Variants in AGPAT4 observed in about 807,000 individuals in gnomAD.
AGPAT4 encodes 1-acylglycerol-3-phosphate O-acyltransferase 4.
In AGPAT4, 15 loss-of-function variants were observed where a neutral mutation model predicts 48.0. That is an observed-to-expected ratio of 0.31 (90% confidence interval 0.21 to 0.48). The LOEUF (loss-of-function observed/expected upper bound fraction) is 0.48. AGPAT4 is among the 20% of genes least tolerant of loss of function. The pLI is 0.99. For synonymous variants in AGPAT4, 178 were observed against 198.7 expected, an observed-to-expected ratio of 0.90 and a Z score of 0.88; for missense variants, 314 against 482.5, an observed-to-expected ratio of 0.65 and a Z score of 3.27.
chr6:161,181,779 G>A (rs1282826580), intron 2 of AGPAT4, among the ~76,000 whole-genome samples: 7 of 152,084 alleles, frequency 4.6e-5, no homozygotes. Context: ...ACCATCAGAT[G>A]GCGCTCAGGC....
At chr6:161,185,549 A>G (rs1296004199) in intron 2 of AGPAT4, among the ~76,000 whole-genome samples, 2 of 152,196 alleles carry the variant, frequency 1.3e-5, no homozygotes, top group Non-Finnish European at 2.9e-5. Context: ...TTACATTTTC[A>G]TCAATCAACT....
chr6:161,144,172 T>C lies in AGPAT4; in HGVS notation c.843+2352A>G, dbSNP rs115983545. On this transcript the variant is annotated intron_variant, in intron 7 of 8. Coordinates refer to ENST00000320285, the MANE Select transcript of AGPAT4 (RefSeq NM_020133.3). This position sits in a 1 kb window ranked among gnomAD's most constrained non-coding sequence, Gnocchi z 6.6. ...GGAGAAACCATGCACCACTTCCACT[T>C]GCTGCTCAGCGATCTTCTCGGAAGG... 7.2e-3 allele frequency: 3,862 copies of C among 533,276 alleles called. 115 individuals are homozygous for C. The highest frequency in any genetic ancestry group is 0.067 in the African/African-American group (3,477 of 52,020). The allele number at this position is 533,276 out of a possible 1,614,324, so 33.0% of individuals were successfully genotyped here. A position where few individuals can be genotyped will look rare whatever the true frequency, so the allele number is the denominator to read the frequency against.
At chr6:161,209,676 T>A (rs1344306184) in intron 2 of AGPAT4, among the ~76,000 whole-genome samples, 1 of 152,186 alleles carries the variant, frequency 6.6e-6, no homozygotes, top group African/African-American at 2.4e-5. Context: ...GATTTTCCCA[T>A]GGAGATATAA....
intron 2 of AGPAT4, among the ~76,000 whole-genome samples, chr6:161,183,113 C>T (rs559621815): frequency 6.6e-6 from 1 of 152,300 alleles, no homozygotes; most frequent in South Asian, 2.1e-4. Flanking sequence ...AGATTTTAAA[C>T]TCCCTTCCCA....
chr6:161,222,702 G>A lies in AGPAT4; in HGVS notation c.178+9334C>T, dbSNP rs1422925573. 1.3e-5 allele frequency among the ~76,000 whole-genome samples: 2 copies of A among 152,076 alleles called. No homozygotes were observed. The highest frequency in any genetic ancestry group is 2.9e-5 in the Non-Finnish European group (2 of 68,022). On this transcript the variant is annotated intron_variant, in intron 2 of 8. Coordinates refer to ENST00000320285, the MANE Select transcript of AGPAT4 (RefSeq NM_020133.3). The surrounding 1 kb of genome is among the most constrained non-coding windows in gnomAD (Gnocchi z 5.9). ...ACAATTATTGAAATTTCTGAGGGAT[G>A]GATACTTGGAGCCCATCTAGTGAGA... is the stretch of plus-strand genomic sequence containing the variant.
rs1779190388 is a variant in AGPAT4 at position 161,139,765 on chromosome 6, A to G, written c.844-145T>C. 1 of 652,526 alleles carries G rather than the reference A, an allele frequency of 1.5e-6. No homozygotes were observed. 40.4% of individuals were successfully genotyped at this position (652,526 alleles called of 1,614,324 possible). A position where few individuals can be genotyped will look rare whatever the true frequency, so the allele number is the denominator to read the frequency against. On this transcript the variant is annotated intron_variant, in intron 7 of 8. Transcript: ENST00000320285. The surrounding 1 kb of genome is among the most constrained non-coding windows in gnomAD (Gnocchi z 9.1). ...CTGGGGTCTGCAGCTCCTTCCAGAA[A>G]GCACTTTGTAGGCAGCTGCTGTCTT...
chr6:161,179,478 T>G (rs964670967), intron 2 of AGPAT4, among the ~76,000 whole-genome samples: 1 of 152,230 alleles, frequency 6.6e-6, no homozygotes, highest in Non-Finnish European at 1.5e-5. Flanking sequence ...ACTCAAAGGT[T>G]TGGTGTGAAG....
rs1182277895 is a variant in AGPAT4 at position 161,171,735 on chromosome 6, A to C, written c.179-5318T>G. On this transcript the variant is annotated intron_variant, in intron 2 of 8. Transcript: ENST00000320285. The surrounding 1 kb of genome is among the most constrained non-coding windows in gnomAD (Gnocchi z 4.4). ...AAACCCTGTCTCTACTAAAAATACA[A>C]AAAAAAAAAAAAAAATTAGCTGGGC... 9.3e-6 allele frequency among the ~76,000 whole-genome samples: 1 copy of C among 107,704 alleles called. No individual in the cohort carries two copies. The highest frequency in any genetic ancestry group is 2.0e-5 in the Non-Finnish European group (1 of 49,768). The allele number at this position is 107,704 out of a possible 152,430, so 70.7% of individuals were successfully genotyped here.
In AGPAT4 at chr6:161,134,541, C is replaced by T. The variant is rs926722145; in HGVS notation, c.*1999G>A. 4 of 152,064 alleles carry T rather than the reference C, an allele frequency of 2.6e-5. No homozygotes were observed. The highest frequency in any genetic ancestry group is 9.7e-5 in the African/African-American group (4 of 41,400). 9.4% of individuals were successfully genotyped at this position (152,064 alleles called of 1,614,324 possible). The stretch of plus-strand genomic sequence containing the variant: ...TGTGCTCTTTTACCCTTGACACACC[C>T]CAAGAGGTAGATATCGTCACCCCCA... On this transcript the variant is annotated 3_prime_UTR_variant, in exon 9 of 9. Transcript: ENST00000320285.
At position 161,139,709 on chromosome 6, in the gene AGPAT4, GAT is replaced by G; in HGVS notation, c.844-91_844-90del. ...GCCCTGCTTCCAAGGGAATCGCAGA[GAT>G]ACACAGGTGCCACCGGGGCTCGGCA... On this transcript the variant is annotated intron_variant, in intron 7 of 8. Coordinates refer to ENST00000320285, the MANE Select transcript of AGPAT4 (RefSeq NM_020133.3). This position sits in a 1 kb window ranked among gnomAD's most constrained non-coding sequence, Gnocchi z 9.1. 1 of 1,225,662 alleles carries G rather than the reference GAT, an allele frequency of 8.2e-7. No individual in the cohort carries two copies. Among genetic ancestry groups the G allele is most frequent in the Non-Finnish European group, 1.1e-6 (1 of 876,806 alleles). 75.9% of individuals were successfully genotyped at this position (1,225,662 alleles called of 1,614,324 possible). A position where few individuals can be genotyped will look rare whatever the true frequency, so the allele number is the denominator to read the frequency against.
rs1012056162 is a variant in AGPAT4 at position 161,198,038 on chromosome 6, T to G, written c.179-31621A>C. ...CCAACTCTTCTTCAGTCTCTCATAC[T>G]TCATTCTTCCCACTCTTCTTTTGTT... is the stretch of plus-strand genomic sequence containing the variant. On this transcript the variant is annotated intron_variant, in intron 2 of 8. Coordinates refer to ENST00000320285, the MANE Select transcript of AGPAT4 (RefSeq NM_020133.3). This position sits in a 1 kb window ranked among gnomAD's most constrained non-coding sequence, Gnocchi z 4.3. Among the ~76,000 whole-genome samples the G allele has an allele frequency of 3.9e-5, 6 of 152,200 alleles. No homozygotes were observed. Among genetic ancestry groups the G allele is most frequent in the Non-Finnish European group, 8.8e-5 (6 of 68,040 alleles).
intron 2 of AGPAT4, among the ~76,000 whole-genome samples, chr6:161,181,504 A>AGGGGGGGGGGGGGGGGGG (rs1780589918): frequency 7.0e-6 from 1 of 141,972 alleles, no homozygotes; most frequent in Non-Finnish European, 1.6e-5. Context: ...TGGGGGTAGC[A>AGGGGGGGGGGGGGGGGGG]GGGGGCGGGG....
rs1411077975 is a variant in AGPAT4, at chr6:161,245,124, G to T, written c.-89-12822C>A. Among the ~76,000 whole-genome samples the T allele has an allele frequency of 6.6e-6, 1 of 152,230 alleles. No individual in the cohort carries two copies. On this transcript the variant is annotated intron_variant, in intron 1 of 8. Transcript: ENST00000320285. The surrounding 1 kb of genome is among the most constrained non-coding windows in gnomAD (Gnocchi z 5.2). The stretch of plus-strand genomic sequence containing the variant: ...ACCTCCTTGGGAATCGAGAAATTGC[G>T]ACTCTATTCATGGTGGAATAAATAA...
chr6:161,248,045 AG>A (rs1397043295), intron 1 of AGPAT4, among the ~76,000 whole-genome samples: 6 of 151,700 alleles, frequency 4.0e-5, no homozygotes, highest in Admixed American at 3.9e-4. Context: ...AAAGAAATAA[AG>A]GGCATCCAAA....
chr6:161,152,650 G>T (rs1040859514), intron 5 of AGPAT4, among the ~76,000 whole-genome samples: 5 of 152,182 alleles, frequency 3.3e-5, no homozygotes, highest in African/African-American at 1.2e-4. Flanking sequence ...GGCAGCATGG[G>T]GCCGGGAGCC....
rs1434455959 is a variant in AGPAT4 at position 161,234,333 on chromosome 6, C to T, written c.-89-2031G>A. ...TTCGGCCTGATTTCTCTGAAATCAT[C>T]TTAGCTCCACTGAGACATCCCATTC... On this transcript the variant is annotated intron_variant, in intron 1 of 8. Coordinates refer to ENST00000320285, the MANE Select transcript of AGPAT4 (RefSeq NM_020133.3). This position sits in a 1 kb window ranked among gnomAD's most constrained non-coding sequence, Gnocchi z 4.4. Among the ~76,000 whole-genome samples, 2 of 152,176 alleles carry T rather than the reference C, an allele frequency of 1.3e-5. No individual in the cohort carries two copies. The highest frequency in any genetic ancestry group is 3.8e-4 in the East Asian group (2 of 5,198).
chr6:161,208,528 G>A lies in AGPAT4; in HGVS notation c.178+23508C>T, dbSNP rs778615163. Among the ~76,000 whole-genome samples the A allele has an allele frequency of 6.0e-5, 9 of 151,104 alleles. No individual in the cohort carries two copies. Among genetic ancestry groups the A allele is most frequent in the East Asian group, 1.9e-4 (1 of 5,158 alleles). On this transcript the variant is annotated intron_variant, in intron 2 of 8. Transcript: ENST00000320285. The surrounding 1 kb of genome is among the most constrained non-coding windows in gnomAD (Gnocchi z 4.6). ...AAAGTTTAAGACAAAACCCAATAACGCATATGATAACCACTGTCTCCTTAG... is the reference window on the plus strand; with the variant it reads ...AAAGTTTAAGACAAAACCCAATAACACATATGATAACCACTGTCTCCTTAG...
chr6:161,263,450 C>T (rs1213268752), intron 1 of AGPAT4, among the ~76,000 whole-genome samples: 3 of 152,122 alleles, frequency 2.0e-5, no homozygotes, highest in Admixed American at 2.0e-4. Context: ...AAGATCATGC[C>T]ACTGCACTCT....
Position 161,251,444 on chromosome 6 carries a change from C to T in AGPAT4, c.-89-19142G>A, listed in dbSNP as rs1782801033. 6.6e-6 allele frequency among the ~76,000 whole-genome samples: 1 copy of T among 152,188 alleles called. No homozygotes were observed. The highest frequency in any genetic ancestry group is 2.1e-4 in the South Asian group (1 of 4,834). On this transcript the variant is annotated intron_variant, in intron 1 of 8. Coordinates refer to ENST00000320285, the MANE Select transcript of AGPAT4 (RefSeq NM_020133.3). This position sits in a 1 kb window ranked among gnomAD's most constrained non-coding sequence, Gnocchi z 4.6. ...AGAGTGTTAAGTGACCTGCCTGTCACTCAGCTGGTCAGAACAAAGGAGGGC... is the reference window on the plus strand; with the variant it reads ...AGAGTGTTAAGTGACCTGCCTGTCATTCAGCTGGTCAGAACAAAGGAGGGC...
Sources: allele counts gnomAD v4.1 joint callset (sites outside exome capture counted in the v4.1 genomes callset), GRCh38; gene constraint gnomAD v4.1.1; non-coding constraint Gnocchi (gnomAD v3.1); transcripts MANE v1.5; gene names NCBI Gene and HGNC (gene_info 2026-07-23, HGNC 2026-07-21).